PTH2R: variants seen among roughly 807,000 people sequenced by gnomAD.
PTH2R encodes the protein PTH2 receptor.
PTH2R carries 59 observed loss-of-function variants against 60.3 expected under a neutral mutation model. The ratio of observed to expected loss-of-function variants is 0.98; its 90% CI spans 0.79 to 1.22. The LOEUF (loss-of-function observed/expected upper bound fraction) is 1.22. Ranked by LOEUF, PTH2R falls within the 50% of genes most tolerant of loss-of-function variation. PTH2R has a pLI of 0.00. For missense variants in PTH2R, 749 were observed against 682.6 expected, an observed-to-expected ratio of 1.10 and a Z score of -1.08; for synonymous variants, 256 against 243.8, an observed-to-expected ratio of 1.05 and a Z score of -0.47.
At chr2:208,367,069 C>T (rs1026805249) in intron 1 of PTH2R, among the ~76,000 whole-genome samples, 2 of 151,926 alleles carry the variant, frequency 1.3e-5, no homozygotes, top group Admixed American at 1.3e-4. Flanking sequence ...GATTTTGAAT[C>T]ATTCATGGCT....
intron 9 of PTH2R, among the ~76,000 whole-genome samples, chr2:208,470,377 A>G (rs575874922): frequency 6.6e-6 from 1 of 152,282 alleles, no homozygotes; most frequent in Admixed American, 6.5e-5. Flanking sequence ...ATGTTTTGAT[A>G]TGGTTTGGCT....
intron 1 of PTH2R, among the ~76,000 whole-genome samples, chr2:208,393,098 G>C (rs1326762418): frequency 6.6e-6 from 1 of 152,198 alleles, no homozygotes; most frequent in Non-Finnish European, 1.5e-5. Flanking sequence ...GCTGCTACTA[G>C]AGCCTCTGTT....
intron 1 of PTH2R, among the ~76,000 whole-genome samples, chr2:208,418,284 A>T (rs1248451732): frequency 6.6e-6 from 1 of 152,152 alleles, no homozygotes; most frequent in Non-Finnish European, 1.5e-5. Flanking sequence ...TCAAAGGACG[A>T]TAAAGGGAAT....
intron 1 of PTH2R, among the ~76,000 whole-genome samples, chr2:208,365,939 TATATATATATATATATATATA>T (rs1243663372): frequency 0.029 from 390 of 13,594 alleles, 3 homozygotes; most frequent in East Asian, 0.13. Context: ...AATATATATA[TATATATATATATATATATATA>T]TTTTTTTTTT....
chr2:208,408,004 C>T (rs1219715290), intron 1 of PTH2R, among the ~76,000 whole-genome samples: 1 of 152,116 alleles, frequency 6.6e-6, no homozygotes. Context: ...ACTATGTTCT[C>T]GGCTTTCAGA....
intron 9 of PTH2R, among the ~76,000 whole-genome samples, chr2:208,468,444 T>C (rs1207116054): frequency 1.3e-5 from 2 of 152,200 alleles, no homozygotes; most frequent in African/African-American, 4.8e-5. Context: ...CCCTACCCAA[T>C]GAACTCCATG....
intron 1 of PTH2R, among the ~76,000 whole-genome samples, chr2:208,392,301 G>C (rs573108237): frequency 6.6e-6 from 1 of 152,192 alleles, no homozygotes; most frequent in South Asian, 2.1e-4. Context: ...GTGTTGCAGG[G>C]GCTATTACAG....
At chr2:208,409,251 C>CTTCA (rs1701490866) in intron 1 of PTH2R, among the ~76,000 whole-genome samples, 1 of 152,080 alleles carries the variant, frequency 6.6e-6, no homozygotes, top group Non-Finnish European at 1.5e-5. Context: ...ATTTTATGAC[C>CTTCA]TTCAGTTTCT....
rs1390046516 is a variant in PTH2R at position 208,489,052 on chromosome 2, G to C, written c.1117G>C (p.Gly373Arg). ...GACACTGGTCCTGGTCCTAGTCTTT[G>C]GAGTGCATTACATCGTGTTCGTATG... ...KSTLVLVLVF[G>R]VHYIVFVCLP... Residue 373 changes from glycine (G) to arginine (R), a missense_variant, in exon 11 of 13, where the codon GGA becomes CGA. By Grantham distance (125) the Gly-to-Arg change is moderately radical. Coordinates refer to ENST00000272847, the MANE Select transcript of PTH2R (RefSeq NM_005048.4). 6.2e-7 allele frequency: 1 copy of C among 1,614,040 alleles called. No homozygotes were observed. Among genetic ancestry groups the C allele is most frequent in the Non-Finnish European group, 8.5e-7 (1 of 1,180,008 alleles).
upstream of PTH2R, among the ~76,000 whole-genome samples, chr2:208,405,000 T>G (rs980744225): frequency 6.6e-6 from 1 of 152,240 alleles, no homozygotes; most frequent in Non-Finnish European, 1.5e-5. Flanking sequence ...TTGCAAACCC[T>G]ACTTTGATTT....
At chr2:208,420,272 A>T (rs1156777915) in intron 1 of PTH2R, among the ~76,000 whole-genome samples, 1 of 152,010 alleles carries the variant, frequency 6.6e-6, no homozygotes, top group African/African-American at 2.4e-5. Flanking sequence ...GTACCCTAAA[A>T]CTTAAAGTAT....
At chr2:208,436,535 G>A (rs529381064) in intron 2 of PTH2R, among the ~76,000 whole-genome samples, 1 of 152,294 alleles carries the variant, frequency 6.6e-6, no homozygotes, top group Admixed American at 6.5e-5. Context: ...TAGGCAGCAA[G>A]GAACAACAGA....
chr2:208,370,958 T>G (rs1244679376), intron 1 of PTH2R, among the ~76,000 whole-genome samples: 4 of 151,932 alleles, frequency 2.6e-5, no homozygotes. Context: ...AGCATGCATC[T>G]TACATGGTGA....
At chr2:208,408,798 G>T (rs986121414) in intron 1 of PTH2R, among the ~76,000 whole-genome samples, 2 of 150,048 alleles carry the variant, frequency 1.3e-5, no homozygotes, top group Admixed American at 6.6e-5. Flanking sequence ...ATGGGATTGT[G>T]GGCAGAATAT....
At chr2:208,456,560 T>C (rs1702518363) in intron 8 of PTH2R, among the ~76,000 whole-genome samples, 1 of 152,216 alleles carries the variant, frequency 6.6e-6, no homozygotes, top group South Asian at 2.1e-4. Context: ...CTTCTTTCGC[T>C]TCTTCTACTC....
At chr2:208,465,241 G>T (rs540878749) in intron 9 of PTH2R, among the ~76,000 whole-genome samples, 2 of 152,100 alleles carry the variant, frequency 1.3e-5, no homozygotes, top group South Asian at 4.1e-4. Flanking sequence ...CTCCCATAGT[G>T]CTGGTATTAC....
intron 1 of PTH2R, among the ~76,000 whole-genome samples, chr2:208,392,535 G>A (rs1301996957): frequency 6.6e-6 from 1 of 152,138 alleles, no homozygotes; most frequent in Non-Finnish European, 1.5e-5. Flanking sequence ...GTTTGTCCTG[G>A]GGCTATAAGG....
At chr2:208,373,708 T>C (rs1700743830) in intron 1 of PTH2R, among the ~76,000 whole-genome samples, 1 of 152,070 alleles carries the variant, frequency 6.6e-6, no homozygotes, top group Non-Finnish European at 1.5e-5. Flanking sequence ...TTCCACATTT[T>C]AATCTGGAGC....
chr2:208,422,632 GT>G (rs886147298), intron 1 of PTH2R, among the ~76,000 whole-genome samples: 16 of 151,942 alleles, frequency 1.1e-4, no homozygotes, highest in African/African-American at 2.7e-4. Context: ...ATATTTTGTG[GT>G]TTTTTTAAGT....
Sources: allele counts gnomAD v4.1 joint callset (sites outside exome capture counted in the v4.1 genomes callset), GRCh38; gene constraint gnomAD v4.1.1; transcripts MANE v1.5; gene names NCBI Gene and HGNC (gene_info 2026-07-23, HGNC 2026-07-21).